The following ST7L variants were observed in gnomAD, a reference collection of about 807,000 sequenced individuals.
The protein encoded by ST7L is suppressor of tumorigenicity 7 protein-like.
Under a neutral mutation model 72.5 loss-of-function variants are expected in ST7L, and 57 were observed. The ratio of observed to expected loss-of-function variants is 0.79; its 90% CI spans 0.64 to 0.98. ST7L has a LOEUF of 0.98. Ranked by LOEUF, ST7L falls within the 50% of genes least tolerant of loss-of-function variation. The probability of loss-of-function intolerance (pLI) is 0.00; values close to 1 mark genes in which losing one functional copy is unlikely to be tolerated. For missense variants in ST7L, 576 were observed against 672.2 expected, an observed-to-expected ratio of 0.86 and a Z score of 1.58; for synonymous variants, 221 against 240.9, an observed-to-expected ratio of 0.92 and a Z score of 0.77.
intron 3 of ST7L, among the ~76,000 whole-genome samples, chr1:112,609,788 C>T (rs552159976): frequency 2.6e-5 from 4 of 152,252 alleles, no homozygotes; most frequent in African/African-American, 9.6e-5. Flanking sequence ...CACCACTGCA[C>T]TCCAGCCTGG....
chr1:112,584,920 C>T (rs1664655627), intron 6 of ST7L, among the ~76,000 whole-genome samples: 1 of 152,138 alleles, frequency 6.6e-6, no homozygotes, highest in Non-Finnish European at 1.5e-5. Context: ...GAAACATAGT[C>T]CAGGACTAGA....
chr1:112,619,125 C>T lies in ST7L; in HGVS notation c.-12G>A. 4 of 1,612,440 alleles carry T rather than the reference C, an allele frequency of 2.5e-6. No individual in the cohort carries two copies. The highest frequency in any genetic ancestry group is 3.4e-6 in the Non-Finnish European group (4 of 1,179,426). On this transcript the variant is annotated 5_prime_UTR_variant, in exon 1 of 15. Transcript: ENST00000358039. ...CCACGGTCCGCCATCTTGCCGCTAT[C>T]GCAGGCGCCAGGAGCTGGGAGGGGA...
downstream of ST7L, chr1:112,521,446 C>A (rs1254350267): frequency 6.6e-6 from 1 of 151,288 alleles, no homozygotes; most frequent in Non-Finnish European, 1.5e-5. Context: ...GTAAGCAGGT[C>A]TGATCTCAAG....
chr1:112,600,030 C>T (rs542926227), intron 4 of ST7L, among the ~76,000 whole-genome samples: 1 of 152,198 alleles, frequency 6.6e-6, no homozygotes, highest in African/African-American at 2.4e-5. Context: ...CATAGCAAGA[C>T]CCCTGTCTAC....
Position 112,565,792 on chromosome 1 carries a change from G to A in ST7L, c.1246-9774C>T, listed in dbSNP as rs1037175213. Among the ~76,000 whole-genome samples, 4 of 152,046 alleles carry A rather than the reference G, an allele frequency of 2.6e-5. No individual in the cohort carries two copies. The East Asian group carries it at 7.7e-4, about 29-fold the overall frequency. Reference sequence around the variant, plus strand: ...AGCACTTTGGGAGGCCAAGGTGGGCGGACTGCTTGAGCCCAGGAGTTCAAG... The same window carrying A: ...AGCACTTTGGGAGGCCAAGGTGGGCAGACTGCTTGAGCCCAGGAGTTCAAG... On this transcript the variant is annotated intron_variant, in intron 11 of 14. Coordinates refer to ENST00000358039, the MANE Select transcript of ST7L (RefSeq NM_017744.5).
chr1:112,573,757 G>A (rs1032190985), intron 11 of ST7L, among the ~76,000 whole-genome samples: 2 of 151,628 alleles, frequency 1.3e-5, no homozygotes, highest in African/African-American at 4.8e-5. Context: ...CCAGGCATAT[G>A]TTTGCTCACA....
chr1:112,519,454 G>C (rs138383868), downstream of ST7L, among the ~76,000 whole-genome samples: 24 of 152,190 alleles, frequency 1.6e-4, 1 homozygote, highest in East Asian at 3.9e-3. Context: ...GAAAAGCTTG[G>C]AGTAGATGCT....
intron 11 of ST7L, among the ~76,000 whole-genome samples, chr1:112,560,887 C>A (rs753813857): frequency 6.6e-6 from 1 of 151,362 alleles, no homozygotes; most frequent in Non-Finnish European, 1.5e-5. Context: ...TGCTTGAACC[C>A]GGGAGGCAGG....
intron 3 of ST7L, among the ~76,000 whole-genome samples, chr1:112,601,997 T>C (rs1278466027): frequency 6.6e-6 from 1 of 151,096 alleles, no homozygotes; most frequent in East Asian, 1.9e-4. Flanking sequence ...GACAGAAGAA[T>C]TGCTTAAACC....
chr1:112,578,904 T>C (rs1167255138), intron 9 of ST7L, among the ~76,000 whole-genome samples: 1 of 152,234 alleles, frequency 6.6e-6, no homozygotes, highest in Non-Finnish European at 1.5e-5. Flanking sequence ...AACCCGTATA[T>C]GAAGTTGAAA....
chr1:112,530,302 C>T (rs1654165259), intron 14 of ST7L: 1 of 152,130 alleles, frequency 6.6e-6, no homozygotes, highest in Admixed American at 6.5e-5. Flanking sequence ...AGAATTTAGC[C>T]TTGGGCCTGC....
rs551831345 is a variant in ST7L, at chr1:112,543,345, C to T, written c.1490-1255G>A. Among the ~76,000 whole-genome samples the T allele has an allele frequency of 7.2e-5, 11 of 152,048 alleles. No individual in the cohort carries two copies. The East Asian group carries it at 7.8e-4, about 11-fold the overall frequency. ...CGGGTGGATCACGAGGTCAGGAGAT[C>T]GAGACCATCCTGGCCAACATGGTGA... On this transcript the variant is annotated intron_variant, in intron 13 of 14. Coordinates refer to ENST00000358039, the MANE Select transcript of ST7L (RefSeq NM_017744.5).
At chr1:112,605,840 G>A (rs968076014) in intron 3 of ST7L, among the ~76,000 whole-genome samples, 2 of 152,218 alleles carry the variant, frequency 1.3e-5, no homozygotes, top group Non-Finnish European at 2.9e-5. Flanking sequence ...CCAGAAACTG[G>A]AAAGGCAGCC....
intron 14 of ST7L, among the ~76,000 whole-genome samples, chr1:112,534,189 C>T (rs1379215207): frequency 6.6e-6 from 1 of 152,178 alleles, no homozygotes; most frequent in African/African-American, 2.4e-5. Flanking sequence ...GTTTCTCTAG[C>T]AAGCCACTGG....
Position 112,616,844 on chromosome 1 carries a change from C to T in ST7L, c.257G>A (p.Gly86Glu), listed in dbSNP as rs537644113. The T allele has an allele frequency of 1.1e-5, 17 of 1,606,564 alleles. No homozygotes were observed. In the East Asian group the frequency reaches 3.1e-4, roughly 30 times the overall value. ...TAGTCCTGATATCAATGAAGAGGTC[C>T]CTGTAAGTGCCACATAGAATTTGGG... ...LTPKFYVALTGTSSLISGLIF... is the reference protein window; with the variant it reads ...LTPKFYVALTETSSLISGLIF... The change falls in exon 2 of 15, where the codon GGG becomes GAG. Residue 86 changes from glycine to glutamate, a missense_variant. By Grantham distance (98) the Gly-to-Glu change is moderately conservative. This residue lies in a region of ST7L where 511 missense variants were observed against 600.7 expected (regional missense o/e 0.85). Transcript: ENST00000358039.
At chr1:112,560,366 C>A (rs1304613344) in intron 11 of ST7L, among the ~76,000 whole-genome samples, 1 of 152,140 alleles carries the variant, frequency 6.6e-6, no homozygotes. Context: ...TGCACTCCAG[C>A]CTGGATGACA....
intron 3 of ST7L, among the ~76,000 whole-genome samples, chr1:112,601,567 A>G (rs1363766513): frequency 1.3e-5 from 2 of 152,054 alleles, no homozygotes; most frequent in East Asian, 1.9e-4. Flanking sequence ...TTCTAAGAGA[A>G]AAAAAAAGAA....
intron 14 of ST7L, chr1:112,527,151 C>T (rs974130281): frequency 5.2e-5 from 8 of 152,398 alleles, no homozygotes; most frequent in Non-Finnish European, 1.0e-4. Context: ...GTAATGTTTT[C>T]TGTTAGAGAC....
intron 5 of ST7L, among the ~76,000 whole-genome samples, chr1:112,596,888 C>T (rs560577772): frequency 4.1e-4 from 62 of 152,146 alleles, no homozygotes; most frequent in Non-Finnish European, 7.9e-4. Flanking sequence ...CCATCCACCT[C>T]GGCCTCCCAA....
Sources: allele counts gnomAD v4.1 joint callset (sites outside exome capture counted in the v4.1 genomes callset), GRCh38; gene constraint gnomAD v4.1.1; regional missense constraint gnomAD v4.1.1; transcripts MANE v1.5; gene names NCBI Gene and HGNC (gene_info 2026-07-23, HGNC 2026-07-21).